CSMD1: variants seen among roughly 807,000 people sequenced by gnomAD.
The protein encoded by CSMD1 is CUB and Sushi multiple domains 1, also known as CUB and sushi domain-containing protein 1.
A neutral mutation model predicts 417.5 loss-of-function variants in CSMD1; 213 were observed. The observed-to-expected ratio is 0.51, with a 90% CI of 0.46 to 0.57. CSMD1 has a LOEUF of 0.57. CSMD1 is among the 20% of genes least tolerant of loss of function. CSMD1 has a pLI of 0.00. For missense variants in CSMD1, 6,923 were observed against 4,529.7 expected (o/e 1.53, Z -15.17); for synonymous variants, 2,862 against 1,736.8 (o/e 1.65, Z -16.11).
intron 1 of CSMD1, among the ~76,000 whole-genome samples, chr8:4,838,363 A>G (rs1800626064): frequency 1.3e-5 from 2 of 152,214 alleles, no homozygotes; most frequent in Admixed American, 1.3e-4. Context: ...TATGCAATCA[A>G]TTATTGAAGA....
intron 26 of CSMD1, among the ~76,000 whole-genome samples, chr8:3,283,271 G>T (rs1802878034): frequency 6.6e-6 from 1 of 152,084 alleles, no homozygotes. Flanking sequence ...TTTGCAGAGA[G>T]ACTTCATTAC....
chr8:4,378,490 A>ATCTC (rs367807744), intron 3 of CSMD1, among the ~76,000 whole-genome samples: 1 of 151,628 alleles, frequency 6.6e-6, no homozygotes, highest in African/African-American at 2.4e-5. Flanking sequence ...TATCCCCTTT[A>ATCTC]TCTCTCTCTC....
intron 3 of CSMD1, among the ~76,000 whole-genome samples, chr8:4,214,524 C>T (rs1180325324): frequency 2.0e-5 from 3 of 152,174 alleles, no homozygotes; most frequent in Non-Finnish European, 4.4e-5. Flanking sequence ...TCTCAAACCC[C>T]TGAGCTCATG....
intron 3 of CSMD1, among the ~76,000 whole-genome samples, chr8:4,300,237 C>G (rs1021486570): frequency 3.3e-5 from 5 of 152,154 alleles, no homozygotes; most frequent in Non-Finnish European, 5.9e-5. Context: ...TGTATAAAGT[C>G]GTTTGTAAAC....
At chr8:3,153,705 C>G (rs1186376464) in intron 39 of CSMD1, among the ~76,000 whole-genome samples, 2 of 152,176 alleles carry the variant, frequency 1.3e-5, no homozygotes, top group East Asian at 1.9e-4. Context: ...GAGGGGCTGG[C>G]CCAGGACCTC....
chr8:3,965,769 C>T (rs901452146), intron 5 of CSMD1, among the ~76,000 whole-genome samples: 2 of 152,040 alleles, frequency 1.3e-5, no homozygotes, highest in Admixed American at 6.6e-5. Flanking sequence ...AGGCATGTGA[C>T]ACCACACCTG....
intron 3 of CSMD1, among the ~76,000 whole-genome samples, chr8:4,083,471 T>C (rs972133233): frequency 5.3e-5 from 8 of 152,176 alleles, no homozygotes; most frequent in African/African-American, 1.9e-4. Flanking sequence ...CAAAACAGCA[T>C]GGTACTGGTA....
At chr8:4,146,231 A>G (rs1440260130) in intron 3 of CSMD1, among the ~76,000 whole-genome samples, 1 of 151,016 alleles carries the variant, frequency 6.6e-6, no homozygotes, top group East Asian at 1.9e-4. Context: ...GAACTTGGAG[A>G]AAACCTCTCC....
chr8:4,796,455 T>C (rs556818984), intron 1 of CSMD1, among the ~76,000 whole-genome samples: 13 of 151,978 alleles, frequency 8.6e-5, no homozygotes, highest in Non-Finnish European at 1.8e-4. Flanking sequence ...TTGTAATGTA[T>C]GTAAATATCT....
chr8:4,794,907 G>C lies in CSMD1; in HGVS notation c.86-157349C>G, dbSNP rs751092103. On this transcript the variant is annotated intron_variant, in intron 1 of 69. Coordinates refer to ENST00000635120, the MANE Select transcript of CSMD1 (RefSeq NM_033225.6). ...TTGCAGGTGGCAAGAAATTAAATCA[G>C]GAGTTGGTCATTTAGAACGCTGGGA... Among the ~76,000 whole-genome samples, 54 of 152,078 alleles carry C rather than the reference G, an allele frequency of 3.6e-4. 1 individual carries two copies. Among genetic ancestry groups the C allele is most frequent in the Non-Finnish European group, 7.2e-4 (49 of 68,034 alleles).
chr8:4,840,718 G>C (rs1347531034), intron 1 of CSMD1, among the ~76,000 whole-genome samples: 1 of 152,158 alleles, frequency 6.6e-6, no homozygotes, highest in African/African-American at 2.4e-5. Context: ...TTTATCTTCT[G>C]AAGACCACTG....
At chr8:3,387,195 GC>G (rs548306993) in intron 18 of CSMD1, among the ~76,000 whole-genome samples, 1 of 152,254 alleles carries the variant, frequency 6.6e-6, no homozygotes, top group African/African-American at 2.4e-5. Flanking sequence ...CGACTATACC[GC>G]CCCACGTGCC....
At chr8:4,055,919 T>A (rs970404309) in intron 3 of CSMD1, among the ~76,000 whole-genome samples, 1 of 152,096 alleles carries the variant, frequency 6.6e-6, no homozygotes, top group East Asian at 1.9e-4. Flanking sequence ...TATTTAAGCT[T>A]TTAAACAAAA....
intron 10 of CSMD1, among the ~76,000 whole-genome samples, chr8:3,525,610 T>A (rs1025474445): frequency 1.1e-4 from 17 of 152,294 alleles, no homozygotes; most frequent in African/African-American, 4.1e-4. Flanking sequence ...GAGGGCATCG[T>A]ATCTTCAAAA....
At position 3,000,102 on chromosome 8, in the gene CSMD1, C is replaced by T; in HGVS notation, c.8059G>A (p.Val2687Met). 2 of 1,571,432 alleles carry T rather than the reference C, an allele frequency of 1.3e-6. No homozygotes were observed. The highest frequency in any genetic ancestry group is 8.6e-7 in the Non-Finnish European group (1 of 1,157,736). ...CCATCTCCACTAATGTGACCGTTCA[C>T]AATCGGGTCTGGGGAACCGCAGTGG... ...AGHCGSPDPIVNGHISGDGFS... is the reference protein window; with the variant it reads ...AGHCGSPDPIMNGHISGDGFS... Residue 2687 changes from valine (V) to methionine (M), a missense_variant, in exon 53 of 70, where the codon GTG becomes ATG. Val to Met is a conservative substitution (Grantham distance 21, BLOSUM62 1). Transcript: ENST00000635120.
At chr8:3,342,086 A>C (rs76895925) in intron 23 of CSMD1, among the ~76,000 whole-genome samples, 86 of 152,352 alleles carry the variant, frequency 5.6e-4, no homozygotes, top group African/African-American at 2.0e-3. Flanking sequence ...TATTGTGCAC[A>C]AATATTAATT....
At chr8:3,804,890 T>G (rs1360453580) in intron 5 of CSMD1, among the ~76,000 whole-genome samples, 2 of 152,146 alleles carry the variant, frequency 1.3e-5, no homozygotes, top group Non-Finnish European at 2.9e-5. Context: ...TAGCATGGAT[T>G]AGTGAAAAAT....
chr8:4,156,036 G>A (rs1398569475), intron 3 of CSMD1, among the ~76,000 whole-genome samples: 1 of 152,096 alleles, frequency 6.6e-6, no homozygotes, highest in African/African-American at 2.4e-5. Flanking sequence ...TGGTTCCTCA[G>A]ATGAGCTCCA....
At position 3,237,799 on chromosome 8, in the gene CSMD1, ATTTTTATAATTATACTTATACTACAAG is replaced by A. The variant is rs1563171767; in HGVS notation, c.4154-7595_4154-7569del. Among the ~76,000 whole-genome samples, 44 of 129,464 alleles carry A rather than the reference ATTTTTATAATTATACTTATACTACAAG, an allele frequency of 3.4e-4. 9 individuals carry two copies. The highest frequency in any genetic ancestry group is 8.7e-4 in the East Asian group (4 of 4,608). The allele number at this position is 129,464 out of a possible 152,430, so 84.9% of individuals were successfully genotyped here. ...TAATTATACTTATACTACAAGTATAATTTTTATAATTATACTTATACTACAAGTATAATTTTTATAATTATACTTATA... is the reference window on the plus strand; with the variant it reads ...TAATTATACTTATACTACAAGTATAATATAATTTTTATAATTATACTTATA... On this transcript the variant is annotated intron_variant, in intron 26 of 69. Coordinates refer to ENST00000635120, the MANE Select transcript of CSMD1 (RefSeq NM_033225.6).
Sources: allele counts gnomAD v4.1 joint callset (sites outside exome capture counted in the v4.1 genomes callset), GRCh38; gene constraint gnomAD v4.1.1; transcripts MANE v1.5; gene names NCBI Gene and HGNC (gene_info 2026-07-23, HGNC 2026-07-21).